Variants in CDC73 observed in about 807,000 individuals in gnomAD.
CDC73 encodes cell division cycle 73.
In CDC73, 21 loss-of-function variants were observed where a neutral mutation model predicts 83.7. That is an observed-to-expected ratio of 0.25 (90% CI 0.18 to 0.36). The LOEUF (loss-of-function observed/expected upper bound fraction) is 0.36. Among genes scored for constraint, CDC73 ranks in the 10% least tolerant of loss-of-function variants. The pLI, the probability that CDC73 is intolerant of heterozygous loss-of-function variation, is 1.00. For missense variants in CDC73, 342 were observed against 653.3 expected (o/e 0.52, Z 5.19); for synonymous variants, 224 against 212.9 (o/e 1.05, Z -0.45).
intron 15 of CDC73, among the ~76,000 whole-genome samples, chr1:193,248,271 A>G (rs1677986557): frequency 1.3e-5 from 2 of 152,104 alleles, no homozygotes; most frequent in South Asian, 4.1e-4. Context: ...CACTGTTTAC[A>G]GCAGGGTTCA....
intron 2 of CDC73, 25 bp from the exon 3 acceptor site, chr1:193,130,149 A>G (rs767332017): frequency 2.6e-5 from 28 of 1,065,836 alleles, no homozygotes; most frequent in Admixed American, 5.1e-5. Flanking sequence ...TTCATTTCAT[A>G]TCTCATTTAA....
In CDC73 at chr1:193,188,951, G is replaced by C. The variant is rs181907741; in HGVS notation, c.973-14844G>C. 1.1e-4 allele frequency among the ~76,000 whole-genome samples: 16 copies of C among 150,308 alleles called. No individual in the cohort carries two copies. In the East Asian group the frequency reaches 2.9e-3, roughly 27 times the overall value. On this transcript the variant is annotated intron_variant, in intron 10 of 16. Coordinates refer to ENST00000367435, the MANE Select transcript of CDC73 (RefSeq NM_024529.5). ...AGCTGCAACCTCTTTCTTTCTGTCTGTCTGTTTTTTTTTTTTTTTGGAGAC... is the reference window on the plus strand; with the variant it reads ...AGCTGCAACCTCTTTCTTTCTGTCTCTCTGTTTTTTTTTTTTTTTGGAGAC...
At chr1:193,227,358 G>A (rs554461086) in intron 13 of CDC73, among the ~76,000 whole-genome samples, 2 of 151,976 alleles carry the variant, frequency 1.3e-5, no homozygotes, top group African/African-American at 2.4e-5. Flanking sequence ...CAGGTCTGGC[G>A]TGGTGCCTCA....
At chr1:193,234,144 G>A (rs1232495100) in intron 14 of CDC73, among the ~76,000 whole-genome samples, 2 of 129,576 alleles carry the variant, frequency 1.5e-5, no homozygotes, top group African/African-American at 5.9e-5. Flanking sequence ...AAGACTGGTA[G>A]GATAATTCTC....
At chr1:193,156,964 A>G (rs145774834) in intron 10 of CDC73, among the ~76,000 whole-genome samples, 114 of 152,274 alleles carry the variant, frequency 7.5e-4, no homozygotes, top group African/African-American at 2.5e-3. Flanking sequence ...TAGTCACACT[A>G]TAAAATTGTG....
chr1:193,172,690 A>G (rs927681831), intron 10 of CDC73, among the ~76,000 whole-genome samples: 18 of 152,118 alleles, frequency 1.2e-4, no homozygotes, highest in African/African-American at 3.6e-4. Flanking sequence ...TGTGAAGACT[A>G]CAGTTACCTG....
At position 193,244,987 on chromosome 1, in the gene CDC73, T is replaced by G. The variant is rs539026426; in HGVS notation, c.1418-4743T>G. 9.7e-4 allele frequency among the ~76,000 whole-genome samples: 147 copies of G among 152,316 alleles called. 5 individuals carry two copies. In the South Asian group the frequency reaches 0.029, roughly 30 times the overall value. On this transcript the variant is annotated intron_variant, in intron 15 of 16. Transcript: ENST00000367435. The stretch of plus-strand genomic sequence containing the variant: ...TAGTAGACAATGTATGTTAGATATA[T>G]CTTTGATTATAATTTTTTAGTTTAA...
intron 2 of CDC73, among the ~76,000 whole-genome samples, chr1:193,126,102 A>T (rs566854426): frequency 6.6e-6 from 1 of 152,314 alleles, no homozygotes; most frequent in South Asian, 2.1e-4. Context: ...CTCAAGAAAA[A>T]GAAAACCCGA....
chr1:193,226,880 CA>C (rs1677575123), intron 13 of CDC73, among the ~76,000 whole-genome samples: 1 of 152,130 alleles, frequency 6.6e-6, no homozygotes, highest in African/African-American at 2.4e-5. Flanking sequence ...GGAATAGCGT[CA>C]AAAGGATTGG....
intron 10 of CDC73, among the ~76,000 whole-genome samples, chr1:193,202,132 T>C (rs1284777197): frequency 6.6e-6 from 1 of 152,168 alleles, no homozygotes; most frequent in East Asian, 1.9e-4. Context: ...ATATAATGTC[T>C]AGTTGATTCT....
chr1:193,206,736 CTT>C (rs1408926313), intron 11 of CDC73, among the ~76,000 whole-genome samples: 1 of 152,180 alleles, frequency 6.6e-6, no homozygotes, highest in African/African-American at 2.4e-5. Flanking sequence ...CCTATTCTCT[CTT>C]TGAGTGAGAT....
At chr1:193,162,242 TATATA>T (rs1676343686) in intron 10 of CDC73, among the ~76,000 whole-genome samples, 1 of 123,946 alleles carries the variant, frequency 8.1e-6, no homozygotes, top group Non-Finnish European at 1.6e-5. Context: ...TTGTATATAA[TATATA>T]ATAAATATAG....
At chr1:193,238,505 T>A (rs933555795) in intron 15 of CDC73, among the ~76,000 whole-genome samples, 1 of 152,192 alleles carries the variant, frequency 6.6e-6, no homozygotes, top group Non-Finnish European at 1.5e-5. Context: ...CTTTTTAAGT[T>A]ACTTTCCAAG....
chr1:193,155,801 G>C (rs1257204422), intron 10 of CDC73, among the ~76,000 whole-genome samples: 1 of 151,990 alleles, frequency 6.6e-6, no homozygotes, highest in Non-Finnish European at 1.5e-5. Flanking sequence ...AACCCCACTA[G>C]ATTAAACAGA....
chr1:193,149,178 T>C (rs1676061885), intron 8 of CDC73, among the ~76,000 whole-genome samples: 1 of 152,184 alleles, frequency 6.6e-6, no homozygotes. Flanking sequence ...TAGTCCCTAC[T>C]TTCTTTGAGC....
chr1:193,160,578 C>T (rs1418459083), intron 10 of CDC73, among the ~76,000 whole-genome samples: 1 of 151,802 alleles, frequency 6.6e-6, no homozygotes, highest in Admixed American at 6.6e-5. Flanking sequence ...TTCTATTTAC[C>T]TGCATCAGTG....
intron 10 of CDC73, among the ~76,000 whole-genome samples, chr1:193,184,316 C>A (rs1676769021): frequency 1.3e-5 from 2 of 151,762 alleles, no homozygotes; most frequent in South Asian, 4.1e-4. Flanking sequence ...AATAACCATG[C>A]CTGCTTTTTA....
intron 12 of CDC73, 23 bp downstream of exon 12, chr1:193,212,123 A>C: frequency 6.4e-7 from 1 of 1,556,014 alleles, no homozygotes; most frequent in South Asian, 1.2e-5. Context: ...ATATGATTTT[A>C]AACTTAACTT....
intron 2 of CDC73, 141 bp downstream of exon 2, chr1:193,125,358 A>G: frequency 1.5e-6 from 1 of 680,776 alleles, no homozygotes; most frequent in Admixed American, 2.1e-5. Flanking sequence ...TCCTAGGCTC[A>G]AGTGATCTTC....
Sources: allele counts gnomAD v4.1 joint callset (sites outside exome capture counted in the v4.1 genomes callset), GRCh38; gene constraint gnomAD v4.1.1; transcripts MANE v1.5; gene names NCBI Gene and HGNC (gene_info 2026-07-23, HGNC 2026-07-21).